MYO1D: variants seen among roughly 807,000 people sequenced by gnomAD.
MYO1D encodes the protein unconventional myosin-Id.
In MYO1D, 83 loss-of-function variants were observed where a neutral mutation model predicts 122.0. The ratio of observed to expected loss-of-function variants is 0.68; its 90% CI spans 0.57 to 0.82. The LOEUF (loss-of-function observed/expected upper bound fraction) is 0.82, where lower values mean the gene tolerates loss of function less well. MYO1D is among the 40% of genes least tolerant of loss of function. MYO1D has a pLI of 0.00. For missense variants in MYO1D, 1,157 were observed against 1,269.5 expected (o/e 0.91, Z 1.35); for synonymous variants, 464 against 446.9 (o/e 1.04, Z -0.48).
chr17:32,514,921 G>T (rs1033025176), intron 21 of MYO1D, among the ~76,000 whole-genome samples: 2 of 152,194 alleles, frequency 1.3e-5, no homozygotes, highest in Non-Finnish European at 2.9e-5. Flanking sequence ...AATAGTTTAG[G>T]GTTCAAATCT....
intron 4 of MYO1D, among the ~76,000 whole-genome samples, chr17:32,773,428 C>T (rs2090140541): frequency 6.6e-6 from 1 of 152,178 alleles, no homozygotes; most frequent in Admixed American, 6.5e-5. Flanking sequence ...CACCCACACT[C>T]CATTGGTGTC....
intron 21 of MYO1D, among the ~76,000 whole-genome samples, chr17:32,542,613 T>TA (rs67238143): frequency 0.37 from 46,533 of 124,682 alleles, 8,037 homozygotes; most frequent in African/African-American, 0.44. Flanking sequence ...GAGGTAACGC[T>TA]AAAAAAAAAA....
At chr17:32,622,375 CAGGCAGTGT>C (rs1460265834) in intron 20 of MYO1D, among the ~76,000 whole-genome samples, 23 of 152,282 alleles carry the variant, frequency 1.5e-4, no homozygotes, top group Admixed American at 5.2e-4. Flanking sequence ...TACTGTATGG[CAGGCAGTGT>C]TCTGGGAACA....
intron 21 of MYO1D, among the ~76,000 whole-genome samples, chr17:32,503,715 G>A (rs1039519054): frequency 1.3e-5 from 2 of 152,160 alleles, no homozygotes; most frequent in Non-Finnish European, 2.9e-5. Flanking sequence ...GAGACAGGCC[G>A]TCCTCCATCT....
intron 1 of MYO1D, among the ~76,000 whole-genome samples, chr17:32,864,125 C>T (rs530225173): frequency 7.3e-6 from 1 of 137,234 alleles, no homozygotes; most frequent in African/African-American, 2.8e-5. Context: ...AATGTGATAG[C>T]ATTTTTTCCC....
At chr17:32,678,931 A>G (rs987578430) in intron 16 of MYO1D, among the ~76,000 whole-genome samples, 1 of 149,356 alleles carries the variant, frequency 6.7e-6, no homozygotes, top group Non-Finnish European at 1.5e-5. Context: ...TTGTTTCCTG[A>G]CTTTTTAATG....
At chr17:32,588,033 C>T (rs142752513) in intron 21 of MYO1D, among the ~76,000 whole-genome samples, 60 of 152,276 alleles carry the variant, frequency 3.9e-4, no homozygotes, top group African/African-American at 1.2e-3. Flanking sequence ...TTTGGTAAAT[C>T]TATAAATTTG....
At chr17:32,748,653 T>C (rs2089865921) in intron 12 of MYO1D, among the ~76,000 whole-genome samples, 1 of 152,220 alleles carries the variant, frequency 6.6e-6, no homozygotes, top group African/African-American at 2.4e-5. Context: ...CTTAATATAC[T>C]TCCATGATTT....
chr17:32,572,858 G>C (rs988865492), intron 21 of MYO1D, among the ~76,000 whole-genome samples: 1 of 151,984 alleles, frequency 6.6e-6, no homozygotes, highest in African/African-American at 2.4e-5. Flanking sequence ...GTCACTCTCT[G>C]ACAGGCTTTC....
intron 14 of MYO1D, among the ~76,000 whole-genome samples, chr17:32,729,444 G>C (rs887709100): frequency 6.6e-6 from 1 of 152,126 alleles, no homozygotes; most frequent in Non-Finnish European, 1.5e-5. Context: ...TGGACTCTGT[G>C]AAAGTGAGGA....
At position 32,522,992 on chromosome 17, in the gene MYO1D, A is replaced by AT. The variant is rs572384183; in HGVS notation, c.2865-28078dup. Among the ~76,000 whole-genome samples the AT allele has an allele frequency of 3.8e-3, 571 of 151,894 alleles. 1 individual carries two copies. The highest frequency in any genetic ancestry group is 5.6e-3 in the Non-Finnish European group (384 of 67,970). ...CCACCATGCCCGGCTAGTTTTTTGT[A>AT]TTTTAGTAGAGACGGGGTTTCACCA... is the stretch of plus-strand genomic sequence containing the variant. On this transcript the variant is annotated intron_variant, in intron 21 of 21. Coordinates refer to ENST00000318217, the MANE Select transcript of MYO1D (RefSeq NM_015194.3).
rs149918288 is a variant in MYO1D at position 32,824,557 on chromosome 17, C to A, written c.96-43773G>T. On this transcript the variant is annotated intron_variant, in intron 1 of 21. Transcript: ENST00000318217. ...CACATAGTATCTCATTTAATCCTCA[C>A]AACCCTGTTAAGGAGCAAATAATTA... 3.9e-5 allele frequency among the ~76,000 whole-genome samples: 6 copies of A among 152,328 alleles called. No individual in the cohort carries two copies. In the East Asian group the frequency reaches 9.6e-4, roughly 24 times the overall value.
chr17:32,667,251 A>AT (rs2088649738), intron 16 of MYO1D, among the ~76,000 whole-genome samples: 1 of 152,216 alleles, frequency 6.6e-6, no homozygotes, highest in South Asian at 2.1e-4. Flanking sequence ...TCTAAGAGCT[A>AT]TTTTAAAGGA....
intron 16 of MYO1D, among the ~76,000 whole-genome samples, chr17:32,711,566 A>T (rs1310897318): frequency 6.6e-6 from 1 of 151,958 alleles, no homozygotes; most frequent in Non-Finnish European, 1.5e-5. Flanking sequence ...GAATCACTTG[A>T]ACCCTGGAGG....
intron 1 of MYO1D, among the ~76,000 whole-genome samples, chr17:32,810,056 C>T (rs1287100678): frequency 6.6e-6 from 1 of 152,126 alleles, no homozygotes; most frequent in African/African-American, 2.4e-5. Flanking sequence ...CCTTGACAGG[C>T]ATGAGCAGGA....
intron 19 of MYO1D, among the ~76,000 whole-genome samples, chr17:32,650,983 T>C (rs1205635744): frequency 6.6e-6 from 1 of 152,238 alleles, no homozygotes; most frequent in Non-Finnish European, 1.5e-5. Flanking sequence ...TTACCTTCTG[T>C]GAGCTGGATA....
intron 14 of MYO1D, among the ~76,000 whole-genome samples, chr17:32,735,123 C>T (rs1472748907): frequency 6.7e-6 from 1 of 148,950 alleles, no homozygotes; most frequent in Non-Finnish European, 1.5e-5. Context: ...CACACACACA[C>T]GAACCCAAAA....
intron 21 of MYO1D, among the ~76,000 whole-genome samples, chr17:32,547,141 A>G (rs1018660711): frequency 1.3e-5 from 2 of 152,140 alleles, no homozygotes; most frequent in Non-Finnish European, 1.5e-5. Context: ...CCTGGCTTCA[A>G]GCAAATCCTC....
chr17:32,541,853 C>A (rs1244889931), intron 21 of MYO1D, among the ~76,000 whole-genome samples: 1 of 152,176 alleles, frequency 6.6e-6, no homozygotes, highest in Non-Finnish European at 1.5e-5. Flanking sequence ...CGCCCCACCC[C>A]CTTAGGCAGG....
Sources: gnomAD v4.1 joint callset for allele counts (sites outside exome capture counted in the v4.1 genomes callset) on GRCh38, gnomAD v4.1.1 for gene constraint, MANE v1.5 for transcripts, NCBI Gene and HGNC (gene_info 2026-07-23, HGNC 2026-07-21) for gene names.